Variants in COL22A1 observed in about 807,000 individuals in gnomAD.
COL22A1 encodes the protein collagen alpha-1(XXII) chain.
A neutral mutation model predicts 248.9 loss-of-function variants in COL22A1; 221 were observed. The ratio of observed to expected loss-of-function variants is 0.89; its 90% CI spans 0.80 to 0.99. The LOEUF (loss-of-function observed/expected upper bound fraction) is 0.99, where lower values mean the gene tolerates loss of function less well. COL22A1 is among the 50% of genes least tolerant of loss of function. The pLI is 0.00. For missense variants in COL22A1, 2,240 were observed against 2,179.0 expected (o/e 1.03, Z -0.56); for synonymous variants, 891 against 793.4 (o/e 1.12, Z -2.07).
chr8:138,713,679 A>G (rs1829206273), intron 30 of COL22A1, among the ~76,000 whole-genome samples: 1 of 148,974 alleles, frequency 6.7e-6, no homozygotes, highest in African/African-American at 2.5e-5. Flanking sequence ...GACTCCATCC[A>G]CAACAAAACC....
rs114776941 is a variant in COL22A1, at chr8:138,738,348, A to G, written c.2086-771T>C. ...GTGTGTGTTGGTTAGTTTAATTTAC[A>G]TAATGTGGTAATGGCATATATTGTA... is the stretch of plus-strand genomic sequence containing the variant. On this transcript the variant is annotated intron_variant, in intron 22 of 64. Coordinates refer to ENST00000303045, the MANE Select transcript of COL22A1 (RefSeq NM_152888.3). Among the ~76,000 whole-genome samples, 647 of 152,300 alleles carry G rather than the reference A, an allele frequency of 4.2e-3. 4 individuals are homozygous for G. Among genetic ancestry groups the G allele is most frequent in the African/African-American group, 0.015 (627 of 41,554 alleles).
chr8:138,690,656 G>A (rs1259237250), intron 36 of COL22A1, among the ~76,000 whole-genome samples, 165 bp downstream of exon 36: 5 of 152,158 alleles, frequency 3.3e-5, no homozygotes, highest in Admixed American at 2.6e-4. Context: ...TCAGGTGTGT[G>A]AACTTTCTGG....
chr8:138,814,986 T>C (rs1326215365), intron 7 of COL22A1, among the ~76,000 whole-genome samples: 2 of 152,164 alleles, frequency 1.3e-5, no homozygotes, highest in African/African-American at 4.8e-5. Context: ...GTGGAGATAA[T>C]TGAATCCCCA....
In COL22A1 at chr8:138,607,701, G is replaced by A. The variant is rs1010774722; in HGVS notation, c.4032+235C>T. On this transcript the variant is annotated intron_variant, in intron 57 of 64. Coordinates refer to ENST00000303045, the MANE Select transcript of COL22A1 (RefSeq NM_152888.3). Reference sequence around the variant, plus strand: ...ATGTTTGTTTTGGGTGCCTATGGATGTAGACCATAGATGCCTACGGTTATA... The same window carrying A: ...ATGTTTGTTTTGGGTGCCTATGGATATAGACCATAGATGCCTACGGTTATA... Among the ~76,000 whole-genome samples the A allele has an allele frequency of 3.3e-5, 5 of 152,236 alleles. No individual in the cohort carries two copies. The South Asian group carries it at 1.0e-3, about 32-fold the overall frequency.
intron 31 of COL22A1, among the ~76,000 whole-genome samples, chr8:138,700,346 G>A (rs1827855292): frequency 6.6e-6 from 1 of 152,200 alleles, no homozygotes; most frequent in Admixed American, 6.5e-5. Context: ...ATGCATAGTG[G>A]TTAGATTCCG....
rs116922496 is a variant in COL22A1, at chr8:138,693,188, C to T, written c.2754+458G>A. Among the ~76,000 whole-genome samples, 251 of 152,228 alleles carry T rather than the reference C, an allele frequency of 1.6e-3. 2 individuals carry two copies. The highest frequency in any genetic ancestry group is 0.011 in the Admixed American group (175 of 15,294). ...GCCCCAAGGATGGGTGAGCCAGGAG[C>T]AGCTGAGGAGTGTGCATAGAGGTGT... On this transcript the variant is annotated intron_variant, in intron 35 of 64. Transcript: ENST00000303045.
chr8:138,784,290 A>C (rs187371483), intron 12 of COL22A1, among the ~76,000 whole-genome samples: 2 of 152,268 alleles, frequency 1.3e-5, no homozygotes, highest in Non-Finnish European at 2.9e-5. Context: ...TTCATGAGAG[A>C]AAGGATTGTT....
intron 55 of COL22A1, among the ~76,000 whole-genome samples, chr8:138,614,590 C>T (rs564776102): frequency 2.3e-4 from 35 of 152,166 alleles, no homozygotes; most frequent in Non-Finnish European, 4.9e-4. Flanking sequence ...ATGTACTGGG[C>T]GAGCTGACCT....
chr8:138,796,798 T>C, intron 12 of COL22A1, 21 bp downstream of exon 12: 1 of 1,543,714 alleles, frequency 6.5e-7, no homozygotes, highest in South Asian at 1.1e-5. Context: ...TGGAGGAGTG[T>C]GATAAAAGGA....
Position 138,878,206 on chromosome 8 carries a change from A to G in COL22A1, c.202T>C (p.Phe68Leu). 1 of 1,598,472 alleles carries G rather than the reference A, an allele frequency of 6.3e-7. No homozygotes were observed. Among genetic ancestry groups the G allele is most frequent in the Non-Finnish European group, 8.5e-7 (1 of 1,173,030 alleles). Reference protein sequence around the residue: ...RQWVANLVDTFEVGPDRTRVG... With the variant: ...RQWVANLVDTLEVGPDRTRVG... ...CGGGTGCGGTCGGGGCCCACCTCGA[A>G]GGTGTCCACCAGGTTGGCCACCCAC... is the stretch of plus-strand genomic sequence containing the variant. The change falls in exon 3 of 65, where the codon TTC (phenylalanine) becomes CTC (leucine). Residue 68 changes from phenylalanine (F) to leucine (L), a missense_variant. Coordinates refer to ENST00000303045, the MANE Select transcript of COL22A1 (RefSeq NM_152888.3).
At chr8:138,658,228 T>C (rs1823469801) in intron 44 of COL22A1, among the ~76,000 whole-genome samples, 1 of 152,194 alleles carries the variant, frequency 6.6e-6, no homozygotes, top group Admixed American at 6.5e-5. Context: ...GCCAGTGTTG[T>C]CCAAACCCTG....
intron 48 of COL22A1, 118 bp downstream of exon 48, chr8:138,636,624 A>T (rs558434935): frequency 2.6e-5 from 20 of 778,804 alleles, no homozygotes; most frequent in Admixed American, 7.1e-5. Flanking sequence ...ATGAGATTTT[A>T]AAAAATCCTG....
chr8:138,656,051 A>G, intron 44 of COL22A1, 107 bp from the exon 45 acceptor site: 1 of 916,474 alleles, frequency 1.1e-6, no homozygotes, highest in Non-Finnish European at 1.8e-6. Flanking sequence ...AATACGTGAC[A>G]CACTGCGCCG....
chr8:138,769,677 C>T (rs149830995), intron 16 of COL22A1, among the ~76,000 whole-genome samples: 10 of 152,150 alleles, frequency 6.6e-5, no homozygotes, highest in Non-Finnish European at 1.0e-4. Context: ...TAAAGGCAAC[C>T]GAGTGAAGAT....
chr8:138,660,787 C>A (rs1044692050), intron 43 of COL22A1, among the ~76,000 whole-genome samples: 1 of 140,228 alleles, frequency 7.1e-6, no homozygotes, highest in Non-Finnish European at 1.6e-5. Context: ...CATGCACACA[C>A]ACACACAGAC....
chr8:138,803,418 C>T (rs1324250345), intron 10 of COL22A1, among the ~76,000 whole-genome samples: 1 of 152,124 alleles, frequency 6.6e-6, no homozygotes, highest in Non-Finnish European at 1.5e-5. Context: ...CCAGGCCCGA[C>T]CCTGCTTAGC....
intron 21 of COL22A1, among the ~76,000 whole-genome samples, chr8:138,752,182 C>T (rs943222922): frequency 3.3e-5 from 5 of 152,158 alleles, no homozygotes; most frequent in African/African-American, 4.8e-5. Flanking sequence ...GGGCACAGCA[C>T]CCAGGTCCCC....
At chr8:138,840,691 G>A (rs1220760390) in intron 4 of COL22A1, among the ~76,000 whole-genome samples, 5 of 152,178 alleles carry the variant, frequency 3.3e-5, no homozygotes, top group East Asian at 3.9e-4. Flanking sequence ...GGGCTTAAGC[G>A]AACCACCCAC....
chr8:138,758,502 C>T (rs1023724033), intron 18 of COL22A1, among the ~76,000 whole-genome samples: 10 of 152,204 alleles, frequency 6.6e-5, no homozygotes, highest in Admixed American at 4.6e-4. Context: ...AGTAAATCAT[C>T]GAATGGACAG....
Sources: allele counts gnomAD v4.1 joint callset (sites outside exome capture counted in the v4.1 genomes callset), GRCh38; gene constraint gnomAD v4.1.1; transcripts MANE v1.5; gene names NCBI Gene and HGNC (gene_info 2026-07-23, HGNC 2026-07-21).